LINGO2: variants seen among roughly 807,000 people sequenced by gnomAD.
LINGO2 encodes the protein leucine rich repeat and Ig domain containing 2.
LINGO2 carries 14 observed loss-of-function variants against 30.6 expected under a neutral mutation model. That is an observed-to-expected ratio of 0.46 (90% CI 0.30 to 0.72). LINGO2 has a LOEUF of 0.72. Ranked by LOEUF, LINGO2 falls within the 30% of genes least tolerant of loss-of-function variation. The probability of loss-of-function intolerance (pLI) is 0.07; values close to 1 mark genes in which losing one functional copy is unlikely to be tolerated. For synonymous variants in LINGO2, 317 were observed against 288.5 expected (o/e 1.10, Z -1.00); for missense variants, 729 against 751.7 (o/e 0.97, Z 0.35).
intron 4 of LINGO2, among the ~76,000 whole-genome samples, chr9:28,088,453 T>C (rs1304554988): frequency 6.6e-6 from 1 of 152,024 alleles, no homozygotes; most frequent in Non-Finnish European, 1.5e-5. Flanking sequence ...GCAAACACCA[T>C]AGTAATCTGC....
chr9:28,876,117 G>A, the LINGO2 span, among the ~76,000 whole-genome samples: 5 of 151,972 alleles, frequency 3.3e-5, no homozygotes, highest in East Asian at 9.6e-4. Flanking sequence ...GTAGTCAGTG[G>A]CATTGCTACT....
At chr9:29,206,886 G>A in the LINGO2 span, among the ~76,000 whole-genome samples, 2 of 151,960 alleles carry the variant, frequency 1.3e-5, no homozygotes, top group African/African-American at 2.4e-5. Context: ...CGAGACCAAA[G>A]CTAGGCTTTT....
At chr9:28,253,028 T>C (rs1352116896) in intron 4 of LINGO2, among the ~76,000 whole-genome samples, 1 of 152,040 alleles carries the variant, frequency 6.6e-6, no homozygotes, top group Non-Finnish European at 1.5e-5. Context: ...GCAACAAGTA[T>C]TTTCAGAGCA....
At chr9:28,033,297 T>C (rs927292535) in intron 4 of LINGO2, among the ~76,000 whole-genome samples, 4 of 152,058 alleles carry the variant, frequency 2.6e-5, no homozygotes, top group Non-Finnish European at 4.4e-5. Flanking sequence ...CAAAAGAAGC[T>C]CAGTGATGGG....
intron 3 of LINGO2, among the ~76,000 whole-genome samples, chr9:28,302,201 G>C (rs903855479): frequency 1.3e-5 from 2 of 152,148 alleles, no homozygotes; most frequent in Admixed American, 6.6e-5. Flanking sequence ...ATTGGTGTAA[G>C]GCAGACTGTG....
the LINGO2 span, among the ~76,000 whole-genome samples, chr9:29,020,381 AT>A: frequency 6.6e-6 from 1 of 152,216 alleles, no homozygotes; most frequent in East Asian, 1.9e-4. Flanking sequence ...ATCTCAATAC[AT>A]TTTACTTCAA....
At chr9:28,709,467 T>C in the LINGO2 span, among the ~76,000 whole-genome samples, 759 of 152,204 alleles carry the variant, frequency 5.0e-3, 9 homozygotes, top group African/African-American at 0.018. Flanking sequence ...ACTTTGGATG[T>C]ATTTGGGGGG....
At chr9:28,257,211 A>G (rs1324251205) in intron 4 of LINGO2, among the ~76,000 whole-genome samples, 2 of 151,902 alleles carry the variant, frequency 1.3e-5, no homozygotes, top group South Asian at 2.1e-4. Context: ...TTGATTTTAA[A>G]TGTCCAAATA....
chr9:27,954,720 AC>A (rs1819482865), intron 5 of LINGO2, among the ~76,000 whole-genome samples: 1 of 152,148 alleles, frequency 6.6e-6, no homozygotes, highest in Admixed American at 6.5e-5. Context: ...ATAAAGACAT[AC>A]CCAAGACTGG....
At chr9:28,041,105 C>A (rs1238995688) in intron 4 of LINGO2, among the ~76,000 whole-genome samples, 1 of 152,218 alleles carries the variant, frequency 6.6e-6, no homozygotes, top group African/African-American at 2.4e-5. Context: ...TCCAAAAAAG[C>A]TACCACTATT....
chr9:27,992,623 A>G (rs1821453451), intron 5 of LINGO2, among the ~76,000 whole-genome samples: 1 of 152,112 alleles, frequency 6.6e-6, no homozygotes, highest in South Asian at 2.1e-4. Context: ...ATATAAAGTG[A>G]AAAAATAAAA....
At chr9:28,082,441 G>GA (rs1825797917) in intron 4 of LINGO2, among the ~76,000 whole-genome samples, 1 of 151,426 alleles carries the variant, frequency 6.6e-6, no homozygotes. Flanking sequence ...TCTGAGCACA[G>GA]AAATAAGTCA....
Position 28,230,145 on chromosome 9 carries a change from A to G in LINGO2, c.-87+65063T>C, listed in dbSNP as rs541014795. Among the ~76,000 whole-genome samples the G allele has an allele frequency of 9.2e-5, 14 of 152,022 alleles. No homozygotes were observed. The South Asian group carries it at 2.9e-3, about 31-fold the overall frequency. ...CTTTCTTTGTAAGACAACATACTTT[A>G]GAAAATTTAGAAAAATTGTATTCAA... On this transcript the variant is annotated intron_variant, in intron 4 of 5. Coordinates refer to ENST00000379992, the Ensembl canonical transcript of LINGO2.
At chr9:28,084,356 CA>C (rs1347164292) in intron 4 of LINGO2, among the ~76,000 whole-genome samples, 1 of 151,942 alleles carries the variant, frequency 6.6e-6, no homozygotes, top group Non-Finnish European at 1.5e-5. Flanking sequence ...TAATTTGAGA[CA>C]GGGGGGCAAA....
At chr9:28,778,603 G>A in the LINGO2 span, among the ~76,000 whole-genome samples, 18 of 152,254 alleles carry the variant, frequency 1.2e-4, no homozygotes, top group African/African-American at 3.6e-4. Flanking sequence ...AAAGGCCAGA[G>A]TATGAGCACA....
intron 1 of LINGO2, among the ~76,000 whole-genome samples, chr9:28,635,538 G>A (rs965164344): frequency 6.6e-6 from 1 of 152,062 alleles, no homozygotes; most frequent in Admixed American, 6.6e-5. Context: ...ATTTTGAAAA[G>A]AAGAGGAAGA....
chr9:28,307,918 A>G (rs1022332020), intron 3 of LINGO2, among the ~76,000 whole-genome samples: 9 of 152,170 alleles, frequency 5.9e-5, no homozygotes, highest in Admixed American at 3.9e-4. Context: ...CCACTGCTCA[A>G]TGAAACAAAG....
At chr9:29,155,207 T>C in the LINGO2 span, among the ~76,000 whole-genome samples, 2 of 152,160 alleles carry the variant, frequency 1.3e-5, no homozygotes, top group African/African-American at 4.8e-5. Flanking sequence ...GGTTTTCACA[T>C]TGCTCTTTTC....
At chr9:28,934,709 G>A in the LINGO2 span, among the ~76,000 whole-genome samples, 1 of 66,782 alleles carries the variant, frequency 1.5e-5, no homozygotes, top group Admixed American at 1.5e-4. Flanking sequence ...ATAAAACAAC[G>A]AAAGTAAGAC....
Sources: gnomAD v4.1 joint callset for allele counts (sites outside exome capture counted in the v4.1 genomes callset) on GRCh38, gnomAD v4.1.1 for gene constraint, MANE v1.5 for transcripts, NCBI Gene and HGNC (gene_info 2026-07-23, HGNC 2026-07-21) for gene names.